PHIP: variants seen among roughly 807,000 people sequenced by gnomAD.
PHIP encodes PHIP subunit of CUL4-Ring ligase complex.
A neutral mutation model predicts 236.8 loss-of-function variants in PHIP; 54 were observed. That is an observed-to-expected ratio of 0.23 (90% CI 0.18 to 0.29). The LOEUF (loss-of-function observed/expected upper bound fraction) is 0.29. PHIP is among the 10% of genes least tolerant of loss of function. The pLI is 1.00. For missense variants in PHIP, 1,370 were observed against 2,190.8 expected (o/e 0.63, Z 7.48); for synonymous variants, 756 against 718.9 (o/e 1.05, Z -0.83).
intron 4 of PHIP, among the ~76,000 whole-genome samples, chr6:79,068,848 G>A (rs145679754): frequency 6.6e-6 from 1 of 152,152 alleles, no homozygotes; most frequent in African/African-American, 2.4e-5. Flanking sequence ...TGAAGACCTA[G>A]AAGTGCCCTT....
At chr6:78,947,244 A>G (rs2127683263) in intron 36 of PHIP, among the ~76,000 whole-genome samples, 1 of 152,132 alleles carries the variant, frequency 6.6e-6, no homozygotes, top group Admixed American at 6.5e-5. Context: ...GCTATATAGC[A>G]CTCCTTTGTG....
intron 15 of PHIP, among the ~76,000 whole-genome samples, chr6:79,012,132 C>T (rs1418601860): frequency 6.6e-6 from 1 of 151,426 alleles, no homozygotes; most frequent in Non-Finnish European, 1.5e-5. Context: ...CAGTAAAATG[C>T]TGATGAATAC....
intron 22 of PHIP, 47 bp downstream of exon 22, chr6:78,985,305 C>A: frequency 9.6e-7 from 1 of 1,044,084 alleles, no homozygotes; most frequent in Non-Finnish European, 1.5e-6. Flanking sequence ...AAACACCTTT[C>A]TAAAGACTTT....
chr6:78,943,891 C>T (rs1483154123), intron 39 of PHIP, among the ~76,000 whole-genome samples: 1 of 145,298 alleles, frequency 6.9e-6, no homozygotes, highest in Non-Finnish European at 1.5e-5. Flanking sequence ...GAGGCTGAGG[C>T]AGAAGAATTG....
chr6:78,943,445 A>C (rs1225466142), intron 39 of PHIP, among the ~76,000 whole-genome samples: 1 of 152,212 alleles, frequency 6.6e-6, no homozygotes, highest in Non-Finnish European at 1.5e-5. Context: ...AAAAGAAGCA[A>C]GGCCAATATA....
In PHIP at chr6:79,016,730, C is replaced by A; in HGVS notation, c.1137-88G>T. On this transcript the variant is annotated intron_variant, in intron 12 of 39. Coordinates refer to ENST00000275034, the MANE Select transcript of PHIP (RefSeq NM_017934.7). ...TTCCCAGAGATCTTGTTTAAAAAGA[C>A]AGCATTCATCTTTATTTATGCAGCA... 7 of 756,258 alleles carry A rather than the reference C, an allele frequency of 9.3e-6. No homozygotes were observed. The Middle Eastern group carries it at 7.3e-4, about 78-fold the overall frequency. 46.8% of individuals were successfully genotyped at this position (756,258 alleles called of 1,614,324 possible). A position where few individuals can be genotyped will look rare whatever the true frequency, so the allele number is the denominator to read the frequency against.
chr6:78,983,609 G>T (rs911305575), intron 22 of PHIP, among the ~76,000 whole-genome samples: 2 of 152,038 alleles, frequency 1.3e-5, no homozygotes, highest in Non-Finnish European at 2.9e-5. Context: ...GTGCTCTCAG[G>T]GTAGCTGGAT....
intron 29 of PHIP, among the ~76,000 whole-genome samples, chr6:78,964,685 G>T (rs1767018984): frequency 6.6e-6 from 1 of 152,062 alleles, no homozygotes; most frequent in Non-Finnish European, 1.5e-5. Flanking sequence ...TTGAGACGGG[G>T]TTTCACCATG....
chr6:79,076,936 A>C (rs1774189904), intron 4 of PHIP, among the ~76,000 whole-genome samples: 1 of 152,238 alleles, frequency 6.6e-6, no homozygotes, highest in Non-Finnish European at 1.5e-5. Context: ...GGAAAAAATA[A>C]TGTCTTGCCA....
At chr6:79,003,942 A>T (rs1770146220) in intron 15 of PHIP, 84 bp from the exon 16 acceptor site, 1 of 835,922 alleles carries the variant, frequency 1.2e-6, no homozygotes, top group Non-Finnish European at 1.8e-6. Context: ...TTTTAAGATA[A>T]AAGCATACAT....
At chr6:78,964,525 C>T (rs1767004763) in intron 29 of PHIP, among the ~76,000 whole-genome samples, 1 of 152,158 alleles carries the variant, frequency 6.6e-6, no homozygotes, top group African/African-American at 2.4e-5. Context: ...TGGAGTCTCG[C>T]TCTGTTGCCC....
chr6:79,058,085 A>G (rs1773163604), intron 6 of PHIP, among the ~76,000 whole-genome samples: 1 of 152,156 alleles, frequency 6.6e-6, no homozygotes, highest in African/African-American at 2.4e-5. Flanking sequence ...CTTAAAATAA[A>G]GCAAAGATTT....
At chr6:78,969,359 A>T (rs1286956201) in intron 27 of PHIP, among the ~76,000 whole-genome samples, 1 of 152,210 alleles carries the variant, frequency 6.6e-6, no homozygotes, top group African/African-American at 2.4e-5. Flanking sequence ...GTGGCACATC[A>T]TCTATATGTA....
chr6:79,069,745 T>A (rs1444702639), intron 4 of PHIP, among the ~76,000 whole-genome samples: 1 of 152,014 alleles, frequency 6.6e-6, no homozygotes, highest in African/African-American at 2.4e-5. Context: ...AGAAGGACCC[T>A]TAGATGCCTA....
chr6:78,990,882 G>A lies in PHIP; in HGVS notation c.2305C>T (p.Pro769Ser), dbSNP rs765592405. ...TTAATATGTACCTTTGAGACAGTGG[G>A]TATTTTATTCTCTTTTGGAACAGTT... ...HLTVPKENKI[P>S]TVSKNHAHEH... is the part of the protein sequence containing the mutation. The change falls in exon 20 of 40, where the codon CCC becomes TCC. Residue 769 changes from proline to serine, a missense_variant. Pro to Ser is a moderately conservative substitution (Grantham distance 74). Around this residue, in one of 14 missense-constraint regions of PHIP, gnomAD observed 99 missense variants for 110.0 expected, o/e 0.90. Coordinates refer to ENST00000275034, the MANE Select transcript of PHIP (RefSeq NM_017934.7). 4 of 1,562,700 alleles carry A rather than the reference G, an allele frequency of 2.6e-6. No homozygotes were observed. In the African/African-American group the frequency reaches 5.4e-5, roughly 21 times the overall value.
At chr6:78,949,296 A>G (rs1205413432) in intron 35 of PHIP, among the ~76,000 whole-genome samples, 2 of 152,148 alleles carry the variant, frequency 1.3e-5, no homozygotes, top group Non-Finnish European at 2.9e-5. Context: ...CAGACCTGGG[A>G]AAAGATTGCC....
chr6:78,949,476 C>A (rs557231850), intron 35 of PHIP, among the ~76,000 whole-genome samples: 1 of 152,232 alleles, frequency 6.6e-6, no homozygotes, highest in Non-Finnish European at 1.5e-5. Context: ...CAACTAGATA[C>A]CTGTGCCCCA....
At chr6:78,958,216 A>G in intron 32 of PHIP, 1 of 274,234 alleles carries the variant, frequency 3.6e-6, no homozygotes. Context: ...TCTTTTTTTA[A>G]ACAATTTTAA....
intron 15 of PHIP, among the ~76,000 whole-genome samples, chr6:79,011,521 C>T (rs1354435842): frequency 6.6e-6 from 1 of 151,736 alleles, no homozygotes; most frequent in Non-Finnish European, 1.5e-5. Flanking sequence ...GCTACATATA[C>T]TGTCTATTCC....
Sources: gnomAD v4.1 joint callset for allele counts (sites outside exome capture counted in the v4.1 genomes callset) on GRCh38, gnomAD v4.1.1 for gene constraint, gnomAD v4.1.1 regional missense constraint, MANE v1.5 for transcripts, NCBI Gene and HGNC (gene_info 2026-07-23, HGNC 2026-07-21) for gene names.